Variants in VAT1L observed in about 807,000 individuals in gnomAD.
VAT1L encodes the protein vesicle amine transport 1 like, also known as putative NADPH-dependent quinone oxidoreductase VAT1L.
Under a neutral mutation model 44.1 loss-of-function variants are expected in VAT1L, and 34 were observed. The ratio of observed to expected loss-of-function variants is 0.77; its 90% CI spans 0.59 to 1.03. VAT1L has a LOEUF of 1.03. Among genes scored for constraint, VAT1L ranks in the 50% least tolerant of loss-of-function variants. VAT1L has a pLI of 0.00. For missense variants in VAT1L, 615 were observed against 538.8 expected, an observed-to-expected ratio of 1.14 and a Z score of -1.40; for synonymous variants, 253 against 202.2, an observed-to-expected ratio of 1.25 and a Z score of -2.13.
chr16:77,906,862 G>A (rs1366529788), intron 7 of VAT1L, among the ~76,000 whole-genome samples: 1 of 152,226 alleles, frequency 6.6e-6, no homozygotes, highest in Non-Finnish European at 1.5e-5. Context: ...ATCAAAGTCT[G>A]TGTGGATCTG....
chr16:77,954,866 G>C (rs1050239539), intron 7 of VAT1L, among the ~76,000 whole-genome samples: 8 of 152,302 alleles, frequency 5.3e-5, no homozygotes, highest in African/African-American at 1.9e-4. Context: ...CTAGGGTGAG[G>C]CCAATACATC....
chr16:77,967,639 T>A (rs756685043), intron 7 of VAT1L, among the ~76,000 whole-genome samples: 1 of 152,298 alleles, frequency 6.6e-6, no homozygotes, highest in Non-Finnish European at 1.5e-5. Context: ...CCAAAAAGCA[T>A]GCAGATTAGA....
intron 3 of VAT1L, among the ~76,000 whole-genome samples, chr16:77,835,772 C>T (rs1321765188): frequency 1.3e-5 from 2 of 151,884 alleles, no homozygotes; most frequent in African/African-American, 4.8e-5. Flanking sequence ...ACTCAGGAGG[C>T]TGAGGCAAGA....
At chr16:77,960,282 G>A (rs1371985112) in intron 7 of VAT1L, among the ~76,000 whole-genome samples, 1 of 152,078 alleles carries the variant, frequency 6.6e-6, no homozygotes, top group Admixed American at 6.6e-5. Flanking sequence ...TGTATTTGTT[G>A]AATGAAAAAG....
At chr16:77,915,482 A>T (rs951776448) in intron 7 of VAT1L, among the ~76,000 whole-genome samples, 3 of 152,252 alleles carry the variant, frequency 2.0e-5, no homozygotes, top group African/African-American at 7.2e-5. Context: ...AGGACAAGGC[A>T]GTATATGACA....
chr16:77,845,090 C>T (rs916241905), intron 3 of VAT1L, among the ~76,000 whole-genome samples: 3 of 151,840 alleles, frequency 2.0e-5, no homozygotes, highest in Admixed American at 1.3e-4. Context: ...AGAGCATTTT[C>T]TTCCTAGTCA....
At chr16:77,831,178 G>A (rs1185341040) in intron 3 of VAT1L, among the ~76,000 whole-genome samples, 1 of 152,156 alleles carries the variant, frequency 6.6e-6, no homozygotes, top group South Asian at 2.1e-4. Context: ...AATAGGTGGT[G>A]GGGGGACACT....
intron 7 of VAT1L, among the ~76,000 whole-genome samples, chr16:77,911,312 G>T (rs1305455790): frequency 1.3e-5 from 2 of 152,188 alleles, no homozygotes; most frequent in African/African-American, 4.8e-5. Context: ...GTGATTGGTG[G>T]CTTTAATTAC....
chr16:77,828,444 A>G (rs1407007902), intron 3 of VAT1L, among the ~76,000 whole-genome samples: 1 of 152,138 alleles, frequency 6.6e-6, no homozygotes, highest in Non-Finnish European at 1.5e-5. Context: ...CGGGCGGATC[A>G]CCTGAGGTCG....
Position 77,840,130 on chromosome 16 carries a change from G to A in VAT1L, c.579+14669G>A, listed in dbSNP as rs576362305. ...CTATGGAATCGTTAGCTCTCCAAGA[G>A]AGCCTGCAGTGAGTGGTGGCTGTGA... On this transcript the variant is annotated intron_variant, in intron 3 of 8. Coordinates refer to ENST00000302536, the MANE Select transcript of VAT1L (RefSeq NM_020927.3). 3.3e-5 allele frequency among the ~76,000 whole-genome samples: 5 copies of A among 152,296 alleles called. No individual in the cohort carries two copies. In the East Asian group the frequency reaches 9.7e-4, roughly 29 times the overall value.
chr16:77,858,656 A>G (rs1205787641), intron 3 of VAT1L, among the ~76,000 whole-genome samples: 1 of 152,064 alleles, frequency 6.6e-6, no homozygotes, highest in African/African-American at 2.4e-5. Context: ...CTGTTACTCT[A>G]GTGGTGTTGG....
At chr16:77,811,596 C>T (rs1007454933) in intron 1 of VAT1L, among the ~76,000 whole-genome samples, 2 of 152,122 alleles carry the variant, frequency 1.3e-5, no homozygotes, top group Non-Finnish European at 2.9e-5. Context: ...ACTTTATTCT[C>T]GCTTGGTCTC....
chr16:77,813,258 A>AT (rs2016295589), intron 1 of VAT1L, among the ~76,000 whole-genome samples: 1 of 152,164 alleles, frequency 6.6e-6, no homozygotes, highest in East Asian at 1.9e-4. Flanking sequence ...GGCCTTGGGT[A>AT]AATAACTTAT....
At chr16:77,902,120 T>A (rs1377966827) in intron 7 of VAT1L, among the ~76,000 whole-genome samples, 1 of 152,208 alleles carries the variant, frequency 6.6e-6, no homozygotes, top group African/African-American at 2.4e-5. Context: ...TATGTATAAT[T>A]TACTAAAATT....
intron 7 of VAT1L, among the ~76,000 whole-genome samples, chr16:77,914,806 A>T (rs774870558): frequency 1.3e-5 from 2 of 152,234 alleles, no homozygotes; most frequent in African/African-American, 2.4e-5. Flanking sequence ...CACATATCAG[A>T]TTTAATAACA....
In VAT1L at chr16:77,900,464, C is replaced by T. The variant is rs534979557; in HGVS notation, c.1077+15662C>T. Among the ~76,000 whole-genome samples, 15 of 151,796 alleles carry T rather than the reference C, an allele frequency of 9.9e-5. No individual in the cohort carries two copies. The East Asian group carries it at 1.7e-3, about 18-fold the overall frequency. The stretch of plus-strand genomic sequence containing the variant: ...ATCCCAGCATTTTGGGAGGACAAGG[C>T]GGGGGGGATCAGGTTAGGTCAGCAG... On this transcript the variant is annotated intron_variant, in intron 7 of 8. Coordinates refer to ENST00000302536, the MANE Select transcript of VAT1L (RefSeq NM_020927.3).
intron 7 of VAT1L, among the ~76,000 whole-genome samples, chr16:77,923,890 G>T (rs775065479): frequency 2.6e-5 from 4 of 152,188 alleles, no homozygotes; most frequent in Non-Finnish European, 5.9e-5. Flanking sequence ...GGACCCATTT[G>T]TCAAGCTGAC....
intron 7 of VAT1L, among the ~76,000 whole-genome samples, chr16:77,948,614 T>C (rs1338092157): frequency 1.3e-5 from 2 of 152,180 alleles, no homozygotes; most frequent in Non-Finnish European, 2.9e-5. Flanking sequence ...TGTTACCCGG[T>C]TTCCACAATG....
rs2015772567 is a variant in VAT1L, at chr16:77,788,717, C to A, written c.35C>A (p.Thr12Lys). 1.3e-6 allele frequency: 2 copies of A among 1,555,422 alleles called. No individual in the cohort carries two copies. Among genetic ancestry groups the A allele is most frequent in the Admixed American group, 2.0e-5 (1 of 51,046 alleles). The stretch of plus-strand genomic sequence containing the variant: ...GAAGGCGTGGAGAAGGCGGAGGAGA[C>A]GGAGCAAATGATCGAGAAGGAGGCA... ...AKEGVEKAEE[T>K]EQMIEKEAGK... Residue 12 changes from threonine to lysine, a missense_variant, in exon 1 of 9, where the codon ACG becomes AAG. Transcript: ENST00000302536.
Sources: gnomAD v4.1 joint callset for allele counts (sites outside exome capture counted in the v4.1 genomes callset) on GRCh38, gnomAD v4.1.1 for gene constraint, MANE v1.5 for transcripts, NCBI Gene and HGNC (gene_info 2026-07-23, HGNC 2026-07-21) for gene names.